Variants in TNC observed in about 807,000 individuals in gnomAD.
TNC encodes the protein tenascin.
In TNC, 109 loss-of-function variants were observed where a neutral mutation model predicts 202.4. The ratio of observed to expected loss-of-function variants is 0.54; its 90% CI spans 0.46 to 0.63. The LOEUF is 0.63. Among genes scored for constraint, TNC ranks in the 30% least tolerant of loss-of-function variants. The pLI is 0.00. For synonymous variants in TNC, 1,007 were observed against 1,089.7 expected, an observed-to-expected ratio of 0.92 and a Z score of 1.50; for missense variants, 2,756 against 2,833.3, an observed-to-expected ratio of 0.97 and a Z score of 0.62.
At chr9:115,048,046 T>C (rs1366465346) in intron 16 of TNC, among the ~76,000 whole-genome samples, 1 of 152,132 alleles carries the variant, frequency 6.6e-6, no homozygotes, top group Non-Finnish European at 1.5e-5. Flanking sequence ...AAAGCAGAAA[T>C]ATTTCGACCT....
intron 1 of TNC, among the ~76,000 whole-genome samples, chr9:115,096,473 G>A (rs1459328740): frequency 3.3e-5 from 5 of 152,264 alleles, no homozygotes; most frequent in African/African-American, 9.6e-5. Flanking sequence ...AGCAGTACTG[G>A]TTTAGAGGAT....
intron 25 of TNC, among the ~76,000 whole-genome samples, chr9:115,027,867 G>A (rs916070177): frequency 2.0e-5 from 3 of 152,072 alleles, no homozygotes; most frequent in Non-Finnish European, 4.4e-5. Context: ...CAGTCTTTTT[G>A]AGGCTGTGAT....
At chr9:115,079,371 G>C (rs1834126653) in intron 6 of TNC, among the ~76,000 whole-genome samples, 1 of 152,156 alleles carries the variant, frequency 6.6e-6, no homozygotes, top group African/African-American at 2.4e-5. Flanking sequence ...TTGAAGTCTA[G>C]GTGTTGACAC....
chr9:115,031,636 C>G lies in TNC; in HGVS notation c.5837G>C (p.Ser1946Thr), dbSNP rs1381610560. 2 of 1,612,434 alleles carry G rather than the reference C, an allele frequency of 1.2e-6. No homozygotes were observed. Residue 1946 changes from serine (S) to threonine (T), a missense_variant, in exon 23 of 28, where the codon AGC becomes ACC. Physicochemically the swap from Ser to Thr is moderately conservative, Grantham distance 58. Coordinates refer to ENST00000350763, the MANE Select transcript of TNC (RefSeq NM_002160.4). ...DTTSYSLADL[S>T]PSTHYTAKIQ... ...CTTGGCTGTGTAGTGGGTGGATGGG[C>G]TCAGGTCTGCCAGGCTGTAGGAGGT...
At chr9:115,077,262 T>C (rs1382556719) in intron 7 of TNC, among the ~76,000 whole-genome samples, 4 of 152,210 alleles carry the variant, frequency 2.6e-5, no homozygotes, top group Non-Finnish European at 4.4e-5. Context: ...TTCACTGTGT[T>C]AGCCAGAATG....
chr9:115,087,662 C>T (rs186249027), intron 2 of TNC, among the ~76,000 whole-genome samples: 289 of 150,864 alleles, frequency 1.9e-3, no homozygotes, highest in Non-Finnish European at 3.7e-3. Flanking sequence ...TTGTGAAATG[C>T]ATTAGGCTGG....
chr9:115,060,787 G>A (rs1428927678), intron 13 of TNC, among the ~76,000 whole-genome samples: 1 of 152,178 alleles, frequency 6.6e-6, no homozygotes, highest in African/African-American at 2.4e-5. Flanking sequence ...GGGATCAAAA[G>A]TTGTGTACTG....
intron 15 of TNC, chr9:115,052,780 A>G (rs1360791964): frequency 1.4e-6 from 1 of 702,536 alleles, no homozygotes; most frequent in Non-Finnish European, 2.6e-6. Context: ...TGGGATCCCC[A>G]GCCAAGGTGG....
At chr9:115,097,451 G>C (rs1349556259) in intron 1 of TNC, among the ~76,000 whole-genome samples, 1 of 152,204 alleles carries the variant, frequency 6.6e-6, no homozygotes, top group Non-Finnish European at 1.5e-5. Flanking sequence ...AGGGATGGGG[G>C]AATCAGGGAG....
At position 115,085,931 on chromosome 9, in the gene TNC, G is replaced by C; in HGVS notation, c.1800C>G (p.Asn600Lys). The change falls in exon 3 of 28, where the codon AAC becomes AAG. Residue 600 changes from asparagine (N) to lysine (K), a missense_variant. By Grantham distance (94) the Asn-to-Lys change is moderately conservative. This residue lies in a region of TNC where 2,559 missense variants were observed against 2,546.0 expected (regional missense o/e 1.01). Transcript: ENST00000350763. Reference protein sequence around the residue: ...GQHSCPSDCNNLGQCVSGRCI... With the variant: ...GQHSCPSDCNKLGQCVSGRCI... The stretch of plus-strand genomic sequence containing the variant: ...AGCGGCCCGAGACGCATTGTCCTAA[G>C]TTGTTGCAGTCACTGGGGCAGGAGT... 2 of 1,614,038 alleles carry C rather than the reference G, an allele frequency of 1.2e-6. No homozygotes were observed. Among genetic ancestry groups the C allele is most frequent in the Non-Finnish European group, 1.7e-6 (2 of 1,179,952 alleles).
rs562701235 is a variant in TNC at position 115,032,121 on chromosome 9, G to T, written c.5788-436C>A. Among the ~76,000 whole-genome samples, 22 of 152,102 alleles carry T rather than the reference G, an allele frequency of 1.4e-4. No homozygotes were observed. In the South Asian group the frequency reaches 3.7e-3, roughly 26 times the overall value. On this transcript the variant is annotated intron_variant, in intron 22 of 27. Transcript: ENST00000350763. ...TATTATTCTATGTTTCTGTGAAGGG[G>T]GTTTTTTTTTGGATGAGATTAATAT...
intron 15 of TNC, among the ~76,000 whole-genome samples, chr9:115,051,797 A>G (rs1214046585): frequency 6.6e-6 from 1 of 151,902 alleles, no homozygotes; most frequent in East Asian, 1.9e-4. Flanking sequence ...TCTCTAAACT[A>G]GGGATAAAAC....
intron 5 of TNC, 140 bp from the exon 6 acceptor site, chr9:115,082,068 A>AGCTTACATACTGATC: frequency 4.0e-6 from 3 of 757,960 alleles, no homozygotes; most frequent in Non-Finnish European, 6.1e-6. Flanking sequence ...TCAGATCAGT[A>AGCTTACATACTGATC]TGTAAGCTAC....
intron 13 of TNC, 85 bp downstream of exon 13, chr9:115,062,832 G>A: frequency 6.8e-7 from 1 of 1,471,324 alleles, no homozygotes; most frequent in Non-Finnish European, 9.2e-7. Context: ...ATTGGGGTAG[G>A]ATTCTGCCAC....
chr9:115,064,154 A>G, intron 11 of TNC, 86 bp from the exon 12 acceptor site: 1 of 1,336,654 alleles, frequency 7.5e-7, no homozygotes, highest in East Asian at 2.4e-5. Flanking sequence ...GCTGAATAAT[A>G]ATATTACTGA....
chr9:115,099,076 T>C (rs1836017193), intron 1 of TNC, among the ~76,000 whole-genome samples: 1 of 151,592 alleles, frequency 6.6e-6, no homozygotes, highest in Non-Finnish European at 1.5e-5. Context: ...TTTGAAGAAT[T>C]CCAGAACTGA....
intron 1 of TNC, among the ~76,000 whole-genome samples, chr9:115,115,385 G>A (rs1006818086): frequency 1.1e-4 from 17 of 152,132 alleles, no homozygotes; most frequent in Non-Finnish European, 2.1e-4. Flanking sequence ...TGGTGATCAC[G>A]GGGACCTGGG....
At chr9:115,042,087 G>A in intron 18 of TNC, 132 bp downstream of exon 18, 1 of 1,381,648 alleles carries the variant, frequency 7.2e-7, no homozygotes. Flanking sequence ...CTTCTCTCCA[G>A]ATGGTCTCAC....
chr9:115,102,324 A>G (rs1003067962), intron 1 of TNC, among the ~76,000 whole-genome samples: 2 of 152,226 alleles, frequency 1.3e-5, no homozygotes, highest in African/African-American at 2.4e-5. Flanking sequence ...AATACTATCA[A>G]TCCTCCAGAA....
Sources: gnomAD v4.1 joint callset for allele counts (sites outside exome capture counted in the v4.1 genomes callset) on GRCh38, gnomAD v4.1.1 for gene constraint, gnomAD v4.1.1 regional missense constraint, MANE v1.5 for transcripts, NCBI Gene and HGNC (gene_info 2026-07-23, HGNC 2026-07-21) for gene names.